WWC2: variants seen among roughly 807,000 people sequenced by gnomAD.
WWC2 encodes WW and C2 domain containing 2, also known as protein WWC2.
A neutral mutation model predicts 138.5 loss-of-function variants in WWC2; 101 were observed. The ratio of observed to expected loss-of-function variants is 0.73; its 90% confidence interval spans 0.62 to 0.86. WWC2 has a LOEUF of 0.86. Among genes scored for constraint, WWC2 ranks in the 40% least tolerant of loss-of-function variants. WWC2 has a pLI of 0.00. For missense variants in WWC2, 1,420 were observed against 1,419.4 expected (o/e 1.00, Z -0.01); for synonymous variants, 558 against 538.4 (o/e 1.04, Z -0.50).
intron 6 of WWC2, among the ~76,000 whole-genome samples, chr4:183,248,166 G>T (rs1703762431): frequency 6.6e-6 from 1 of 152,156 alleles, no homozygotes; most frequent in African/African-American, 2.4e-5. Context: ...CACACAGATG[G>T]GCTTGTTCCA....
chr4:183,205,730 A>G (rs1429274700), intron 2 of WWC2, among the ~76,000 whole-genome samples: 4 of 152,048 alleles, frequency 2.6e-5, no homozygotes, highest in Non-Finnish European at 5.9e-5. Flanking sequence ...TGTCTTATTT[A>G]GCTCTGTTGT....
At chr4:183,280,741 A>G (rs1011485252) in intron 16 of WWC2, 35 bp from the exon 17 acceptor site, 21 of 1,571,300 alleles carry the variant, frequency 1.3e-5, no homozygotes, top group Middle Eastern at 1.7e-4. Context: ...TTTCAAGTAT[A>G]TTATGTTAAT....
intron 1 of WWC2, among the ~76,000 whole-genome samples, chr4:183,116,770 C>G (rs913576973): frequency 2.3e-4 from 35 of 152,318 alleles, no homozygotes; most frequent in Middle Eastern, 3.4e-3. Context: ...TTGAATTAAA[C>G]TATTACTTTT....
chr4:183,242,065 A>T (rs1736640729), intron 5 of WWC2, among the ~76,000 whole-genome samples: 1 of 152,184 alleles, frequency 6.6e-6, no homozygotes, highest in South Asian at 2.1e-4. Flanking sequence ...ATTCTCTTGG[A>T]ATGATTCTAA....
chr4:183,288,301 A>G (rs924532612), intron 20 of WWC2, among the ~76,000 whole-genome samples: 1 of 152,150 alleles, frequency 6.6e-6, no homozygotes, highest in African/African-American at 2.4e-5. Context: ...GAGCACTACC[A>G]TTATTTTAGA....
chr4:183,148,667 C>T (rs969894572), intron 1 of WWC2, among the ~76,000 whole-genome samples: 3 of 152,176 alleles, frequency 2.0e-5, no homozygotes, highest in African/African-American at 4.8e-5. Flanking sequence ...GCTCTCAGCT[C>T]ATAAGATAAT....
chr4:183,268,323 T>C (rs1031637617), intron 14 of WWC2, among the ~76,000 whole-genome samples: 1 of 152,198 alleles, frequency 6.6e-6, no homozygotes. Flanking sequence ...TAAGGTAGTA[T>C]TAGAAGTTAT....
At chr4:183,121,030 A>G (rs1732584165) in intron 1 of WWC2, among the ~76,000 whole-genome samples, 1 of 152,204 alleles carries the variant, frequency 6.6e-6, no homozygotes, top group African/African-American at 2.4e-5. Context: ...CAGCCTGGAC[A>G]ACATGGCGAG....
At chr4:183,293,482 C>T (rs536511834) in intron 21 of WWC2, among the ~76,000 whole-genome samples, 3 of 152,218 alleles carry the variant, frequency 2.0e-5, no homozygotes, top group Non-Finnish European at 4.4e-5. Flanking sequence ...AAGCTCCTCA[C>T]CTTGATAAAG....
intron 1 of WWC2, among the ~76,000 whole-genome samples, chr4:183,158,706 A>G (rs552568341): frequency 2.6e-5 from 4 of 152,194 alleles, no homozygotes; most frequent in South Asian, 4.2e-4. Flanking sequence ...GACACATTAC[A>G]AAAATACAGA....
chr4:183,199,684 A>C (rs1735249090), intron 2 of WWC2, among the ~76,000 whole-genome samples: 1 of 152,216 alleles, frequency 6.6e-6, no homozygotes, highest in Admixed American at 6.5e-5. Context: ...AATATGCATT[A>C]TAGACAAAAA....
At chr4:183,171,005 G>C (rs891530919) in intron 1 of WWC2, among the ~76,000 whole-genome samples, 2 of 152,198 alleles carry the variant, frequency 1.3e-5, no homozygotes, top group African/African-American at 4.8e-5. Flanking sequence ...AAAATGAAGA[G>C]AGAATGTAAC....
intron 9 of WWC2, among the ~76,000 whole-genome samples, chr4:183,257,823 C>T (rs554083413): frequency 4.6e-5 from 7 of 152,030 alleles, no homozygotes; most frequent in East Asian, 1.9e-4. Flanking sequence ...CCAGCAAGAA[C>T]GGAGGGACTG....
At chr4:183,185,909 A>G (rs1328216445) in intron 1 of WWC2, among the ~76,000 whole-genome samples, 1 of 151,518 alleles carries the variant, frequency 6.6e-6, no homozygotes, top group Non-Finnish European at 1.5e-5. Flanking sequence ...TATTATTAAT[A>G]TAATTGCTGT....
intron 17 of WWC2, chr4:183,281,200 A>G: frequency 2.4e-6 from 1 of 415,658 alleles, no homozygotes; most frequent in East Asian, 3.6e-5. Context: ...ATGGTAGCTT[A>G]TTGTAGAGTT....
chr4:183,221,561 C>A (rs1735938033), intron 4 of WWC2, among the ~76,000 whole-genome samples: 1 of 152,126 alleles, frequency 6.6e-6, no homozygotes, highest in South Asian at 2.1e-4. Flanking sequence ...AGTATAACTA[C>A]AGTGGAATTA....
At chr4:183,300,597 A>G (rs1738802412) in intron 21 of WWC2, among the ~76,000 whole-genome samples, 1 of 152,164 alleles carries the variant, frequency 6.6e-6, no homozygotes, top group Admixed American at 6.5e-5. Flanking sequence ...AGCAGCTGAT[A>G]ATAATTCTAT....
chr4:183,172,080 T>A lies in WWC2; in HGVS notation c.132-21519T>A, dbSNP rs79361194. 3.1e-4 allele frequency among the ~76,000 whole-genome samples: 47 copies of A among 152,342 alleles called. 1 individual carries two copies. The East Asian group carries it at 8.7e-3, about 28-fold the overall frequency. On this transcript the variant is annotated intron_variant, in intron 1 of 22. Coordinates refer to ENST00000403733, the MANE Select transcript of WWC2 (RefSeq NM_024949.6). ...TTTTTTCCATTGGCTTACTTCTCTA[T>A]ATTCCTATTACCAATTTGTGGCCAG...
At chr4:183,153,645 CT>C (rs397964355) in intron 1 of WWC2, among the ~76,000 whole-genome samples, 125 of 129,030 alleles carry the variant, frequency 9.7e-4, no homozygotes, top group Middle Eastern at 8.6e-3. Context: ...TAGAAGTAGT[CT>C]TTTTTTTTTT....
Sources: gnomAD v4.1 joint callset for allele counts (sites outside exome capture counted in the v4.1 genomes callset) on GRCh38, gnomAD v4.1.1 for gene constraint, MANE v1.5 for transcripts, NCBI Gene and HGNC (gene_info 2026-07-23, HGNC 2026-07-21) for gene names.